The following CHDH variants were observed in gnomAD, a reference collection of about 807,000 sequenced individuals.
The protein encoded by CHDH is choline dehydrogenase.
CHDH carries 43 observed loss-of-function variants against 56.9 expected under a neutral mutation model. That is an observed-to-expected ratio of 0.76 (90% CI 0.59 to 0.97). The LOEUF (loss-of-function observed/expected upper bound fraction) is 0.97, where lower values mean the gene tolerates loss of function less well. Among genes scored for constraint, CHDH ranks in the 50% least tolerant of loss-of-function variants. The pLI is 0.00. For synonymous variants in CHDH, 364 were observed against 348.5 expected, an observed-to-expected ratio of 1.04 and a Z score of -0.50; for missense variants, 816 against 821.1, an observed-to-expected ratio of 0.99 and a Z score of 0.08.
chr3:53,837,815 T>C (rs1002761069), intron 2 of CHDH, among the ~76,000 whole-genome samples: 1 of 152,020 alleles, frequency 6.6e-6, no homozygotes, highest in African/African-American at 2.4e-5. Context: ...CCCAGCACTT[T>C]GGGAGGCTGA....
At chr3:53,840,352 C>A (rs1031028811) in intron 2 of CHDH, among the ~76,000 whole-genome samples, 3 of 152,068 alleles carry the variant, frequency 2.0e-5, no homozygotes, top group Admixed American at 2.0e-4. Flanking sequence ...CATTGTGAAA[C>A]CCCATGTCTA....
At chr3:53,838,214 A>C (rs188190393) in intron 2 of CHDH, among the ~76,000 whole-genome samples, 1 of 152,114 alleles carries the variant, frequency 6.6e-6, no homozygotes, top group Non-Finnish European at 1.5e-5. Context: ...GTGTCTGTGG[A>C]TCCAGTCTGT....
At chr3:53,818,829 CACTTG>C in intron 8 of CHDH, 104 bp downstream of exon 8, 1 of 787,660 alleles carries the variant, frequency 1.3e-6, no homozygotes. Flanking sequence ...GACAGAGGGT[CACTTG>C]TGTCCTAGAA....
chr3:53,835,774 G>C (rs1477894347), intron 2 of CHDH, among the ~76,000 whole-genome samples: 3 of 152,162 alleles, frequency 2.0e-5, no homozygotes, highest in South Asian at 2.1e-4. Context: ...ACGTCACATG[G>C]GTTATCACAT....
intron 2 of CHDH, among the ~76,000 whole-genome samples, chr3:53,838,309 C>T (rs1472376715): frequency 6.6e-6 from 1 of 151,814 alleles, no homozygotes; most frequent in Non-Finnish European, 1.5e-5. Context: ...CCTTAGGGGC[C>T]CCTCCCAGAG....
Position 53,818,140 on chromosome 3 carries a change from T to A in CHDH, c.1422A>T (p.Ala474=), listed in dbSNP as rs778123924. The A allele has an allele frequency of 6.2e-7, 1 of 1,613,038 alleles. No homozygotes were observed. Among genetic ancestry groups the A allele is most frequent in the African/African-American group, 1.3e-5 (1 of 74,918 alleles). The part of the protein sequence containing the change: ...LCVKLTREIF[A]QEALAPFRGK... Reference sequence around the variant, plus strand: ...CTCGGAACGGAGCCAGGGCTTCCTGTGCAAAAATTTCTCTGGTGAGCTTCA... The same window carrying A: ...CTCGGAACGGAGCCAGGGCTTCCTGAGCAAAAATTTCTCTGGTGAGCTTCA... Residue 474 remains alanine, a synonymous_variant, in exon 9 of 9, where the codon GCA becomes GCT. Coordinates refer to ENST00000315251, the MANE Select transcript of CHDH (RefSeq NM_018397.5).
intron 1 of CHDH, among the ~76,000 whole-genome samples, chr3:53,845,168 A>G (rs972832582): frequency 1.3e-5 from 2 of 152,184 alleles, no homozygotes; most frequent in Non-Finnish European, 2.9e-5. Context: ...ACCTCAACTG[A>G]GTTCCTTGGT....
Position 53,823,890 on chromosome 3 carries a change from T to TACG in CHDH, c.118_119insCGT (p.Glu40delinsAlaTer). On this transcript the variant is annotated stop_gained and protein_altering_variant, in exon 3 of 9. Coordinates refer to ENST00000315251, the MANE Select transcript of CHDH (RefSeq NM_018397.5). LOFTEE classifies it high-confidence loss of function. ...CGCGCCCACCACCACATAGCTGTACTCGTCCCGGCTCTCAGAGCCTGCGCT... is the reference window on the plus strand; with the variant it reads ...CGCGCCCACCACCACATAGCTGTACTACGCGTCCCGGCTCTCAGAGCCTGCGCT... 6.3e-7 allele frequency: 1 copy of TACG among 1,582,276 alleles called. No homozygotes were observed.
Position 53,823,736 on chromosome 3 carries a change from G to A in CHDH, c.273C>T (p.Pro91=), listed in dbSNP as rs774857212. 1.3e-6 allele frequency: 2 copies of A among 1,554,466 alleles called. No homozygotes were observed. The highest frequency in any genetic ancestry group is 2.4e-5 in the East Asian group (1 of 41,210). ...SKRLSWKIHM[P]AALVANLCDD... Reference sequence around the variant, plus strand: ...CGCACAGGTTGGCCACCAGGGCCGCGGGCATGTGGATCTTCCACGAGAGCC... The same window carrying A: ...CGCACAGGTTGGCCACCAGGGCCGCAGGCATGTGGATCTTCCACGAGAGCC... Residue 91 remains proline, a synonymous_variant, in exon 3 of 9, where the codon CCC becomes CCT. Coordinates refer to ENST00000315251, the MANE Select transcript of CHDH (RefSeq NM_018397.5).
At chr3:53,840,719 GTTGT>G (rs1698646639) in intron 2 of CHDH, among the ~76,000 whole-genome samples, 1 of 152,148 alleles carries the variant, frequency 6.6e-6, no homozygotes, top group Non-Finnish European at 1.5e-5. Flanking sequence ...TTTTGTAGTT[GTTGT>G]TTGTTTGAAA....
Position 53,823,867 on chromosome 3 carries a change from C to T in CHDH, c.142G>A (p.Ala48Thr), listed in dbSNP as rs200169273. The change falls in exon 3 of 9, where the codon GCG (alanine) becomes ACG (threonine). Residue 48 changes from alanine to threonine, a missense_variant. Transcript: ENST00000315251. ...GCCAGCACGCAGCCCGCCGAGCCCG[C>T]GCCCACCACCACATAGCTGTACTCG... ...RDEYSYVVVG[A>T]GSAGCVLAGR... 2 of 1,591,606 alleles carry T rather than the reference C, an allele frequency of 1.3e-6. No homozygotes were observed. Among genetic ancestry groups the T allele is most frequent in the South Asian group, 1.1e-5 (1 of 89,936 alleles).
At chr3:53,836,945 G>A (rs1045920075) in intron 2 of CHDH, among the ~76,000 whole-genome samples, 4 of 152,236 alleles carry the variant, frequency 2.6e-5, no homozygotes, top group Admixed American at 1.3e-4. Context: ...CATTTTCTGG[G>A]CTGAGGCAGG....
chr3:53,814,110 A>T lies in CHDH; in HGVS notation c.*3667T>A, dbSNP rs2095611550. 6.6e-6 allele frequency: 1 copy of T among 152,206 alleles called. No homozygotes were observed. Among genetic ancestry groups the T allele is most frequent in the Admixed American group, 6.5e-5 (1 of 15,286 alleles). 9.4% of individuals were successfully genotyped at this position (152,206 alleles called of 1,614,324 possible). On this transcript the variant is annotated 3_prime_UTR_variant, in exon 9 of 9. Coordinates refer to ENST00000315251, the MANE Select transcript of CHDH (RefSeq NM_018397.5). ...TGAGGGCCACGTTACCTCTCGGTGC[A>T]GTCTCACCTGTGTGAGATGGGACCA... is the stretch of plus-strand genomic sequence containing the variant.
At chr3:53,818,452 C>T (rs181608943) in intron 8 of CHDH, among the ~76,000 whole-genome samples, 1 of 152,288 alleles carries the variant, frequency 6.6e-6, no homozygotes. Flanking sequence ...AGGGATCTGA[C>T]TTATCTGTAG....
chr3:53,821,432 C>T (rs1444191893), intron 5 of CHDH, among the ~76,000 whole-genome samples: 1 of 152,036 alleles, frequency 6.6e-6, no homozygotes, highest in Non-Finnish European at 1.5e-5. Context: ...ATAGGGCAGC[C>T]GGAGGAGGGA....
chr3:53,818,948 G>T lies in CHDH; in HGVS notation c.1356C>A (p.Tyr452Ter). Residue 452 changes from tyrosine (Y) to a stop codon, truncating the protein, a stop_gained, in exon 8 of 9, where the codon TAC becomes TAA. Transcript: ENST00000315251. LOFTEE classifies it high-confidence loss of function. Reference sequence around the variant, plus strand: ...AGGTGGGTGAAGTACCTGTTGACAAGTAGTTGGGCTGGATCACAGGGTGGT... The same window carrying T: ...AGGTGGGTGAAGTACCTGTTGACAATTAGTTGGGCTGGATCACAGGGTGGT... Reference protein sequence around the residue: ...PQDHPVIQPNYLSTETDIEDF... With the variant: ...PQDHPVIQPN 2.5e-6 allele frequency: 4 copies of T among 1,609,634 alleles called. No individual in the cohort carries two copies. Among genetic ancestry groups the T allele is most frequent in the Non-Finnish European group, 3.4e-6 (4 of 1,175,832 alleles).
chr3:53,842,124 C>CAAAA (rs57514436), intron 1 of CHDH, among the ~76,000 whole-genome samples: 4 of 137,968 alleles, frequency 2.9e-5, no homozygotes, highest in African/African-American at 1.1e-4. Flanking sequence ...CACTCTGTCT[C>CAAAA]AAAAAAAAAA....
Position 53,816,355 on chromosome 3 carries a change from G to GCAT in CHDH, c.*1419_*1421dup, listed in dbSNP as rs1251220173. On this transcript the variant is annotated 3_prime_UTR_variant, in exon 9 of 9. Coordinates refer to ENST00000315251, the MANE Select transcript of CHDH (RefSeq NM_018397.5). ...ACCTTGTCAGAACAGTCTGGAGAAG[G>GCAT]CATCTCAGTTCAAATGTGAGTGACT... 1 of 152,192 alleles carries GCAT rather than the reference G, an allele frequency of 6.6e-6. No homozygotes were observed. Among genetic ancestry groups the GCAT allele is most frequent in the Non-Finnish European group, 1.5e-5 (1 of 68,048 alleles). The allele number at this position is 152,192 out of a possible 1,614,324, so 9.4% of individuals were successfully genotyped here. A position where few individuals can be genotyped will look rare whatever the true frequency, so the allele number is the denominator to read the frequency against.
Position 53,830,640 on chromosome 3 carries a change from A to G in CHDH, c.-59-6573T>C, listed in dbSNP as rs1344702633. Among the ~76,000 whole-genome samples the G allele has an allele frequency of 3.3e-5, 5 of 152,142 alleles. 1 individual carries two copies. The highest frequency in any genetic ancestry group is 1.2e-4 in the African/African-American group (5 of 41,410). ...ACAGAGGATTTGAATAACACTATAA[A>G]CCAGTTGGAGACCTAACAGATATAT... On this transcript the variant is annotated intron_variant, in intron 2 of 8. Coordinates refer to ENST00000315251, the MANE Select transcript of CHDH (RefSeq NM_018397.5).
Sources: gnomAD v4.1 joint callset for allele counts (sites outside exome capture counted in the v4.1 genomes callset) on GRCh38, gnomAD v4.1.1 for gene constraint, MANE v1.5 for transcripts, NCBI Gene and HGNC (gene_info 2026-07-23, HGNC 2026-07-21) for gene names.